CSMD1: variants seen among roughly 807,000 people sequenced by gnomAD.
The protein encoded by CSMD1 is CUB and sushi domain-containing protein 1.
A neutral mutation model predicts 417.5 loss-of-function variants in CSMD1; 213 were observed. That is an observed-to-expected ratio of 0.51 (90% CI 0.46 to 0.57). The LOEUF (loss-of-function observed/expected upper bound fraction) is 0.57. Ranked by LOEUF, CSMD1 falls within the 20% of genes least tolerant of loss-of-function variation. The pLI is 0.00. For synonymous variants in CSMD1, 2,862 were observed against 1,736.8 expected, an observed-to-expected ratio of 1.65 and a Z score of -16.11; for missense variants, 6,923 against 4,529.7, an observed-to-expected ratio of 1.53 and a Z score of -15.17.
At chr8:4,229,272 T>G (rs937301247) in intron 3 of CSMD1, among the ~76,000 whole-genome samples, 13 of 152,160 alleles carry the variant, frequency 8.5e-5, no homozygotes, top group South Asian at 2.1e-4. Context: ...TGAGCAATCC[T>G]CCCCACCTCA....
chr8:4,421,212 A>T (rs2128940451), intron 2 of CSMD1, among the ~76,000 whole-genome samples: 1 of 152,330 alleles, frequency 6.6e-6, no homozygotes, highest in East Asian at 1.9e-4. Context: ...ACAGAAGACA[A>T]GTCAGTGAAG....
At chr8:4,436,728 A>G (rs1798169684) in intron 2 of CSMD1, among the ~76,000 whole-genome samples, 1 of 151,930 alleles carries the variant, frequency 6.6e-6, no homozygotes. Flanking sequence ...CATGAGTTTA[A>G]TTGTTTTGAT....
intron 1 of CSMD1, among the ~76,000 whole-genome samples, chr8:4,948,025 A>G (rs193170973): frequency 6.6e-6 from 1 of 152,166 alleles, no homozygotes; most frequent in East Asian, 1.9e-4. Flanking sequence ...CTTGTGTTAC[A>G]CATTCACTTT....
chr8:4,068,438 A>T (rs1799372767), intron 3 of CSMD1, among the ~76,000 whole-genome samples: 1 of 152,210 alleles, frequency 6.6e-6, no homozygotes, highest in South Asian at 2.1e-4. Flanking sequence ...CAGAAAATTA[A>T]ATGTATATTT....
In CSMD1 at chr8:4,048,433, TCTC is replaced by T. The variant is rs1033193190; in HGVS notation, c.416-16337_416-16335del. ...CATATTTCAATTTATGAACATGAAC[TCTC>T]CTATTTTCCCAACAAGATTCTGCAG... is the stretch of plus-strand genomic sequence containing the variant. On this transcript the variant is annotated intron_variant, in intron 3 of 69. Transcript: ENST00000635120. Among the ~76,000 whole-genome samples, 68 of 152,342 alleles carry T rather than the reference TCTC, an allele frequency of 4.5e-4. 1 individual carries two copies. Among genetic ancestry groups the T allele is most frequent in the African/African-American group, 1.6e-3 (65 of 41,590 alleles).
Position 3,997,993 on chromosome 8 carries a change from C to T in CSMD1, c.728G>A (p.Gly243Glu). 1 of 1,609,992 alleles carries T rather than the reference C, an allele frequency of 6.2e-7. No homozygotes were observed. Among genetic ancestry groups the T allele is most frequent in the East Asian group, 2.2e-5 (1 of 44,752 alleles). ...DCTWTILAEP[G>E]DTIALVFTDF... ...AGTGAAGACCAGCGCAATGGTGTCCCCGGGCTCAGCCAGAATGGTCCAGGT... is the reference window on the plus strand; with the variant it reads ...AGTGAAGACCAGCGCAATGGTGTCCTCGGGCTCAGCCAGAATGGTCCAGGT... Residue 243 changes from glycine (G) to glutamate (E), a missense_variant, in exon 5 of 70, where the codon GGG (glycine) becomes GAG (glutamate). Gly to Glu is a moderately conservative substitution (Grantham distance 98). Transcript: ENST00000635120.
chr8:3,604,869 T>G (rs1801534570), intron 8 of CSMD1, among the ~76,000 whole-genome samples: 1 of 152,162 alleles, frequency 6.6e-6, no homozygotes, highest in Admixed American at 6.5e-5. Flanking sequence ...TCTAGCTACC[T>G]CCACGCTCTG....
chr8:3,600,547 T>G (rs73660334), intron 8 of CSMD1, among the ~76,000 whole-genome samples: 2 of 152,162 alleles, frequency 1.3e-5, no homozygotes, highest in African/African-American at 4.8e-5. Flanking sequence ...ATCCTGGGGA[T>G]AGGGTGCTCC....
At chr8:3,223,965 G>A in intron 27 of CSMD1, 98 bp from the exon 28 acceptor site, 1 of 1,212,398 alleles carries the variant, frequency 8.2e-7, no homozygotes, top group South Asian at 1.4e-5. Context: ...TTAAGAAAAA[G>A]ACATCAGCAT....
chr8:4,723,623 G>A (rs1003004483), intron 1 of CSMD1, among the ~76,000 whole-genome samples: 1 of 151,838 alleles, frequency 6.6e-6, no homozygotes, highest in Non-Finnish European at 1.5e-5. Flanking sequence ...ATAATAATTA[G>A]CAGTTTGTTT....
chr8:3,164,755 A>C (rs1820107157), intron 37 of CSMD1, among the ~76,000 whole-genome samples: 1 of 152,250 alleles, frequency 6.6e-6, no homozygotes, highest in African/African-American at 2.4e-5. Context: ...ATCGATTACA[A>C]AAACAGGTTC....
At chr8:3,578,580 G>A (rs6980585) in intron 9 of CSMD1, among the ~76,000 whole-genome samples, 4,176 of 152,252 alleles carry the variant, frequency 0.027, 176 homozygotes, top group African/African-American at 0.094. Flanking sequence ...GGGAGGTCAC[G>A]AAACGATGCC....
In CSMD1 at chr8:4,032,030, T is replaced by C; in HGVS notation, c.485A>G (p.Asn162Ser). ...GCTGTACCGGATTTTGTCTCCTATG[T>C]TGAATCTCGTTCCATGCAGAACTCC... ...LKGVLHGTRFNIGDKIRYSCL... is the reference protein window; with the variant it reads ...LKGVLHGTRFSIGDKIRYSCL... Residue 162 changes from asparagine to serine, a missense_variant, in exon 4 of 70, where the codon AAC becomes AGC. By Grantham distance (46) the Asn-to-Ser change is conservative (BLOSUM62 1). Transcript: ENST00000635120. 1 of 1,614,002 alleles carries C rather than the reference T, an allele frequency of 6.2e-7. No homozygotes were observed. The highest frequency in any genetic ancestry group is 8.5e-7 in the Non-Finnish European group (1 of 1,179,888).
chr8:3,953,932 G>C (rs1811750386), intron 5 of CSMD1, among the ~76,000 whole-genome samples: 3 of 152,222 alleles, frequency 2.0e-5, no homozygotes, highest in Admixed American at 2.0e-4. Context: ...GCCCTGGCAA[G>C]GGTGGCTCTG....
rs1047274458 is a variant in CSMD1 at position 4,165,147 on chromosome 8, G to A, written c.416-133048C>T. ...ATGCATGACAGGTATCTATATTTCA[G>A]CCTCCACTGCTTAATATGATACCTA... On this transcript the variant is annotated intron_variant, in intron 3 of 69. Coordinates refer to ENST00000635120, the MANE Select transcript of CSMD1 (RefSeq NM_033225.6). 4.6e-5 allele frequency among the ~76,000 whole-genome samples: 7 copies of A among 152,222 alleles called. No individual in the cohort carries two copies. The East Asian group carries it at 9.7e-4, about 21-fold the overall frequency.
intron 2 of CSMD1, among the ~76,000 whole-genome samples, chr8:4,623,357 C>G (rs778339474): frequency 6.6e-6 from 1 of 152,040 alleles, no homozygotes; most frequent in Admixed American, 6.6e-5. Flanking sequence ...CAAAAACATA[C>G]AACAACTAAA....
chr8:3,782,686 G>C (rs886714684), intron 5 of CSMD1, among the ~76,000 whole-genome samples: 6 of 152,162 alleles, frequency 3.9e-5, no homozygotes, highest in Admixed American at 1.3e-4. Context: ...CAATGTTTGA[G>C]AACAAGCTAA....
chr8:2,947,763 C>A (rs957492187), intron 68 of CSMD1, among the ~76,000 whole-genome samples: 4 of 152,114 alleles, frequency 2.6e-5, no homozygotes, highest in Admixed American at 6.6e-5. Flanking sequence ...AAAAACATCA[C>A]CCATCATTAG....
At chr8:4,005,487 T>C (rs1816039901) in intron 4 of CSMD1, among the ~76,000 whole-genome samples, 1 of 152,152 alleles carries the variant, frequency 6.6e-6, no homozygotes, top group South Asian at 2.1e-4. Context: ...CTGAATTATC[T>C]CCAGTTTCAA....
Sources: allele counts gnomAD v4.1 joint callset (sites outside exome capture counted in the v4.1 genomes callset), GRCh38; gene constraint gnomAD v4.1.1; transcripts MANE v1.5; gene names NCBI Gene and HGNC (gene_info 2026-07-23, HGNC 2026-07-21).